The following NBAS variants were observed in gnomAD, a reference collection of about 807,000 sequenced individuals.
NBAS encodes the protein NBAS subunit of NRZ tethering complex.
A neutral mutation model predicts 302.5 loss-of-function variants in NBAS; 219 were observed. The observed-to-expected ratio is 0.72, with a 90% CI of 0.65 to 0.81. The LOEUF is 0.81. Ranked by LOEUF, NBAS falls within the 30% of genes least tolerant of loss-of-function variation. NBAS has a pLI of 0.00. For missense variants in NBAS, 2,932 were observed against 2,841.6 expected (o/e 1.03, Z -0.72); for synonymous variants, 1,118 against 1,021.6 (o/e 1.09, Z -1.80).
the NBAS span, among the ~76,000 whole-genome samples, chr2:14,929,047 C>T: frequency 5.1e-3 from 777 of 152,208 alleles, 3 homozygotes; most frequent in Non-Finnish European, 9.2e-3. Context: ...CTGGAAAGCA[C>T]CAAAATTGAC....
At position 15,287,060 on chromosome 2, in the gene NBAS, A is replaced by G. The variant is rs764456165; in HGVS notation, c.5138+13T>C. 6.4e-7 allele frequency: 1 copy of G among 1,566,556 alleles called. No individual in the cohort carries two copies. Among genetic ancestry groups the G allele is most frequent in the Admixed American group, 1.7e-5 (1 of 59,958 alleles). Reference sequence around the variant, plus strand: ...GACATGGAAACAAACGTACATATGAACTGTGTGCTTACCCACTGTCCGTGA... The same window carrying G: ...GACATGGAAACAAACGTACATATGAGCTGTGTGCTTACCCACTGTCCGTGA... On this transcript the variant is annotated intron_variant, in intron 42 of 51. Transcript: ENST00000281513.
the NBAS span, among the ~76,000 whole-genome samples, chr2:15,131,753 A>G: frequency 1.3e-5 from 2 of 152,202 alleles, no homozygotes; most frequent in Admixed American, 6.5e-5. Flanking sequence ...ATTGGCTCAC[A>G]GTTCTGCAGG....
At chr2:15,138,636 C>T in the NBAS span, among the ~76,000 whole-genome samples, 1 of 152,036 alleles carries the variant, frequency 6.6e-6, no homozygotes, top group Non-Finnish European at 1.5e-5. Flanking sequence ...TAAACTCAGA[C>T]CTCAGAATGG....
chr2:14,965,884 G>A, the NBAS span, among the ~76,000 whole-genome samples: 10 of 152,230 alleles, frequency 6.6e-5, no homozygotes, highest in Non-Finnish European at 1.3e-4. Context: ...TGTAACCCTT[G>A]GTACTTGTGA....
At chr2:15,091,272 T>G in the NBAS span, among the ~76,000 whole-genome samples, 2 of 52,620 alleles carry the variant, frequency 3.8e-5, no homozygotes, top group Non-Finnish European at 8.9e-5. Context: ...TCTAATTCAA[T>G]GACCTCCTCC....
chr2:15,369,521 T>TA (rs1400019242), intron 31 of NBAS, among the ~76,000 whole-genome samples: 1 of 152,206 alleles, frequency 6.6e-6, no homozygotes, highest in Non-Finnish European at 1.5e-5. Context: ...TTTATTTACT[T>TA]ACGTATTTTC....
the NBAS span, among the ~76,000 whole-genome samples, chr2:15,092,888 G>A: frequency 1.3e-5 from 2 of 152,170 alleles, no homozygotes; most frequent in Admixed American, 1.3e-4. Flanking sequence ...TGATCCTTCT[G>A]GTGGTGGAAG....
the NBAS span, among the ~76,000 whole-genome samples, chr2:14,967,499 A>G: frequency 1.3e-5 from 2 of 152,220 alleles, no homozygotes; most frequent in African/African-American, 4.8e-5. Flanking sequence ...ATAGTTAATG[A>G]CCAATTATTG....
chr2:15,277,602 C>A (rs1288962934), intron 42 of NBAS, among the ~76,000 whole-genome samples: 1 of 152,038 alleles, frequency 6.6e-6, no homozygotes, highest in Non-Finnish European at 1.5e-5. Context: ...TCAATAAACC[C>A]AAATTTTATG....
chr2:15,353,599 C>G lies in NBAS; in HGVS notation c.4043G>C (p.Ser1348Thr). Reference protein sequence around the residue: ...MAFALTHCPPSSIELLLAASS... With the variant: ...MAFALTHCPPTSIELLLAASS... ...AGCTGCCAAAAGAAGTTCAATGCTGCTAGGAGGGCAATGTGTCAAAGCAAA... is the reference window on the plus strand; with the variant it reads ...AGCTGCCAAAAGAAGTTCAATGCTGGTAGGAGGGCAATGTGTCAAAGCAAA... Residue 1348 changes from serine to threonine, a missense_variant, in exon 34 of 52, where the codon AGC becomes ACC. By Grantham distance (58) the Ser-to-Thr change is moderately conservative. Coordinates refer to ENST00000281513, the MANE Select transcript of NBAS (RefSeq NM_015909.4). 1 of 1,614,010 alleles carries G rather than the reference C, an allele frequency of 6.2e-7. No homozygotes were observed. Among genetic ancestry groups the G allele is most frequent in the Non-Finnish European group, 8.5e-7 (1 of 1,179,918 alleles).
the NBAS span, among the ~76,000 whole-genome samples, chr2:15,122,791 G>A: frequency 6.6e-6 from 1 of 152,132 alleles, no homozygotes; most frequent in Non-Finnish European, 1.5e-5. Context: ...CTATTGCAAG[G>A]TAAACTCTGA....
At chr2:15,206,422 G>A (rs1185852419) in intron 48 of NBAS, among the ~76,000 whole-genome samples, 8 of 151,718 alleles carry the variant, frequency 5.3e-5, no homozygotes, top group African/African-American at 1.9e-4. Context: ...CTGACCATGT[G>A]GTAGAAAAAA....
chr2:14,900,640 T>C, the NBAS span, among the ~76,000 whole-genome samples: 1 of 152,214 alleles, frequency 6.6e-6, no homozygotes, highest in African/African-American at 2.4e-5. Context: ...CCAGTATTAA[T>C]TTGACAAACT....
At chr2:15,172,763 A>G (rs1249244906) in intron 51 of NBAS, among the ~76,000 whole-genome samples, 1 of 152,252 alleles carries the variant, frequency 6.6e-6, no homozygotes. Context: ...ACAAGTCCAG[A>G]GAATTAGTTG....
At chr2:15,344,454 A>G (rs1396136426) in intron 35 of NBAS, among the ~76,000 whole-genome samples, 1 of 152,142 alleles carries the variant, frequency 6.6e-6, no homozygotes, top group East Asian at 1.9e-4. Flanking sequence ...TCCCAAAACT[A>G]AACCAAGAAA....
At chr2:15,224,270 C>T (rs1667069651) in intron 47 of NBAS, among the ~76,000 whole-genome samples, 1 of 152,134 alleles carries the variant, frequency 6.6e-6, no homozygotes. Context: ...TGAATCACAG[C>T]AAGAAGACAG....
At chr2:15,275,011 G>C (rs573258578) in intron 44 of NBAS, among the ~76,000 whole-genome samples, 5 of 149,712 alleles carry the variant, frequency 3.3e-5, no homozygotes, top group African/African-American at 4.9e-5. Flanking sequence ...TCAAACTCCT[G>C]ATCTCAGGTA....
At chr2:15,049,160 A>G in the NBAS span, among the ~76,000 whole-genome samples, 1 of 152,198 alleles carries the variant, frequency 6.6e-6, no homozygotes, top group Non-Finnish European at 1.5e-5. Context: ...AGTTTGGTCC[A>G]GGACTCAAGG....
At chr2:15,126,908 AC>A in the NBAS span, among the ~76,000 whole-genome samples, 1 of 152,224 alleles carries the variant, frequency 6.6e-6, no homozygotes. Flanking sequence ...AAATAGAGGT[AC>A]CTTCTTCACC....
Sources: gnomAD v4.1 joint callset for allele counts (sites outside exome capture counted in the v4.1 genomes callset) on GRCh38, gnomAD v4.1.1 for gene constraint, MANE v1.5 for transcripts, NCBI Gene and HGNC (gene_info 2026-07-23, HGNC 2026-07-21) for gene names.